Variants in FOXN2 observed in about 807,000 individuals in gnomAD.
FOXN2 encodes forkhead box N2.
In FOXN2, 19 loss-of-function variants were observed where a neutral mutation model predicts 41.2. That is an observed-to-expected ratio of 0.46 (90% confidence interval 0.32 to 0.68). FOXN2 has a LOEUF of 0.68. FOXN2 is among the 30% of genes least tolerant of loss of function. The pLI is 0.03. For synonymous variants in FOXN2, 195 were observed against 176.8 expected (o/e 1.10, Z -0.82); for missense variants, 587 against 509.4 (o/e 1.15, Z -1.47).
At chr2:48,350,114 C>G (rs150758831) in intron 3 of FOXN2, among the ~76,000 whole-genome samples, 4 of 152,324 alleles carry the variant, frequency 2.6e-5, no homozygotes, top group African/African-American at 9.6e-5. Flanking sequence ...AAAGATAGAC[C>G]TAGAGCTGCA....
At chr2:48,345,297 G>A (rs1279717659) in intron 2 of FOXN2, among the ~76,000 whole-genome samples, 1 of 152,084 alleles carries the variant, frequency 6.6e-6, no homozygotes, top group African/African-American at 2.4e-5. Flanking sequence ...ACTTACGGAA[G>A]TATAGAGTAG....
chr2:48,349,972 G>T (rs1216724193), intron 3 of FOXN2, among the ~76,000 whole-genome samples: 1 of 152,242 alleles, frequency 6.6e-6, no homozygotes, highest in Non-Finnish European at 1.5e-5. Flanking sequence ...AGAAGAGTCT[G>T]CATCCACTAG....
At chr2:48,343,755 T>C (rs1182671612) in intron 2 of FOXN2, among the ~76,000 whole-genome samples, 7 of 147,322 alleles carry the variant, frequency 4.8e-5, no homozygotes, top group African/African-American at 1.5e-4. Context: ...TGAGACCCTG[T>C]CTCTTTAAAA....
chr2:48,358,060 G>A (rs983765429), intron 3 of FOXN2, among the ~76,000 whole-genome samples: 1 of 151,836 alleles, frequency 6.6e-6, no homozygotes, highest in Non-Finnish European at 1.5e-5. Context: ...ACACTCAATT[G>A]CTACACCTTT....
chr2:48,319,856 T>A (rs1409845534), intron 1 of FOXN2, among the ~76,000 whole-genome samples: 1 of 139,742 alleles, frequency 7.2e-6, no homozygotes, highest in Non-Finnish European at 1.5e-5. Flanking sequence ...CGTCTCAAAC[T>A]CCTGGGCTCA....
chr2:48,368,758 A>G (rs968363432), intron 5 of FOXN2, among the ~76,000 whole-genome samples: 11 of 152,334 alleles, frequency 7.2e-5, no homozygotes, highest in South Asian at 2.1e-4. Context: ...TTCTACCCAG[A>G]GAATTTTTAT....
chr2:48,347,776 C>T (rs1005887305), intron 3 of FOXN2, among the ~76,000 whole-genome samples: 1 of 152,030 alleles, frequency 6.6e-6, no homozygotes, highest in African/African-American at 2.4e-5. Context: ...TTTAAAATTT[C>T]TCATTATTCA....
chr2:48,376,369 G>T lies in FOXN2; in HGVS notation c.*926G>T, dbSNP rs936307727. 6.6e-6 allele frequency: 1 copy of T among 152,068 alleles called. No individual in the cohort carries two copies. The highest frequency in any genetic ancestry group is 6.6e-5 in the Admixed American group (1 of 15,256). The allele number at this position is 152,068 out of a possible 1,614,324, so 9.4% of individuals were successfully genotyped here. A position where few individuals can be genotyped will look rare whatever the true frequency, so the allele number is the denominator to read the frequency against. On this transcript the variant is annotated 3_prime_UTR_variant, in exon 7 of 7. Coordinates refer to ENST00000340553, the MANE Select transcript of FOXN2 (RefSeq NM_002158.4). ...ATGAGAATCTTATAATCGGAATGGA[G>T]TGAAATGAAACATTTTGAGTACTGA...
chr2:48,365,942 AC>A (rs1214741371), intron 5 of FOXN2, among the ~76,000 whole-genome samples: 1 of 152,168 alleles, frequency 6.6e-6, no homozygotes. Context: ...AGTTTAAAAA[AC>A]ACCAAGTGGA....
chr2:48,369,213 G>T (rs963312371), intron 5 of FOXN2, among the ~76,000 whole-genome samples: 1 of 152,132 alleles, frequency 6.6e-6, no homozygotes, highest in Non-Finnish European at 1.5e-5. Context: ...TCAAAATAAT[G>T]TTCCTTGAAT....
intron 2 of FOXN2, among the ~76,000 whole-genome samples, chr2:48,345,831 T>A (rs1159369373): frequency 6.6e-6 from 1 of 152,164 alleles, no homozygotes; most frequent in Non-Finnish European, 1.5e-5. Context: ...TTAAGATACG[T>A]ATAAAGTCTT....
chr2:48,315,782 T>G (rs904139687), intron 1 of FOXN2, among the ~76,000 whole-genome samples: 4 of 152,226 alleles, frequency 2.6e-5, no homozygotes, highest in African/African-American at 9.6e-5. Context: ...TTGGGGTGTC[T>G]GCTTCGCTGA....
rs1054665263 is a variant in FOXN2 at position 48,376,176 on chromosome 2, C to T, written c.*733C>T. On this transcript the variant is annotated 3_prime_UTR_variant, in exon 7 of 7. Coordinates refer to ENST00000340553, the MANE Select transcript of FOXN2 (RefSeq NM_002158.4). The stretch of plus-strand genomic sequence containing the variant: ...ATAGCATTTATTGGGGCCTTTTATT[C>T]TTTCCCAAAGTGCTTTGCAAACATT... The T allele has an allele frequency of 6.6e-6, 1 of 152,216 alleles. No homozygotes were observed. The highest frequency in any genetic ancestry group is 2.4e-5 in the African/African-American group (1 of 41,556). The allele number at this position is 152,216 out of a possible 1,614,324, so 9.4% of individuals were successfully genotyped here. A position where few individuals can be genotyped will look rare whatever the true frequency, so the allele number is the denominator to read the frequency against.
intron 3 of FOXN2, among the ~76,000 whole-genome samples, chr2:48,351,407 G>A (rs1005750969): frequency 5.9e-5 from 9 of 152,124 alleles, no homozygotes; most frequent in African/African-American, 1.2e-4. Flanking sequence ...ATCATAATAC[G>A]ATATAGAAAG....
At chr2:48,347,901 A>C (rs779444678) in intron 3 of FOXN2, among the ~76,000 whole-genome samples, 1 of 152,134 alleles carries the variant, frequency 6.6e-6, no homozygotes, top group East Asian at 1.9e-4. Flanking sequence ...TCTGGCTCCC[A>C]TAGTTTCTGG....
chr2:48,314,625 A>AGGGGAGGGAG (rs1381282796), upstream of FOXN2: 1 of 148,232 alleles, frequency 6.7e-6, no homozygotes, highest in Admixed American at 6.7e-5. Context: ...GCAGCGGGGA[A>AGGGGAGGGAG]GGGGAGGGAG....
intron 1 of FOXN2, among the ~76,000 whole-genome samples, chr2:48,316,816 C>T (rs867826789): frequency 6.6e-6 from 1 of 152,240 alleles, no homozygotes; most frequent in Middle Eastern, 3.4e-3. Flanking sequence ...TTATTTGAAT[C>T]AATTTTACTG....
intron 2 of FOXN2, among the ~76,000 whole-genome samples, chr2:48,338,862 T>C (rs1418801457): frequency 6.6e-6 from 1 of 152,082 alleles, no homozygotes; most frequent in Admixed American, 6.5e-5. Flanking sequence ...GTTAATAAAT[T>C]CTACCATATG....
chr2:48,340,375 T>C (rs911803688), intron 2 of FOXN2, among the ~76,000 whole-genome samples: 2 of 152,226 alleles, frequency 1.3e-5, no homozygotes, highest in Non-Finnish European at 2.9e-5. Flanking sequence ...TCCTATGACC[T>C]TTTGGGAAAT....
Sources: allele counts gnomAD v4.1 joint callset (sites outside exome capture counted in the v4.1 genomes callset), GRCh38; gene constraint gnomAD v4.1.1; transcripts MANE v1.5; gene names NCBI Gene and HGNC (gene_info 2026-07-23, HGNC 2026-07-21).